Variants in NALF1 observed in about 807,000 individuals in gnomAD.
The protein encoded by NALF1 is family with sequence similarity 155 member A.
NALF1 carries 3 observed loss-of-function variants against 48.4 expected under a neutral mutation model. The observed-to-expected ratio is 0.06, with a 90% CI of 0.03 to 0.16. The LOEUF (loss-of-function observed/expected upper bound fraction) is 0.16. Ranked by LOEUF, NALF1 falls within the 10% of genes least tolerant of loss-of-function variation. The pLI, the probability that NALF1 is intolerant of heterozygous loss-of-function variation, is 1.00. For missense variants in NALF1, 526 were observed against 571.5 expected, an observed-to-expected ratio of 0.92 and a Z score of 0.81; for synonymous variants, 262 against 245.7, an observed-to-expected ratio of 1.07 and a Z score of -0.62.
intron 1 of NALF1, among the ~76,000 whole-genome samples, chr13:107,758,075 A>G (rs1877164690): frequency 1.3e-5 from 2 of 152,202 alleles, no homozygotes; most frequent in Admixed American, 6.5e-5. Context: ...TTCAAAAGTG[A>G]CAAGAGAAAA....
At chr13:107,838,828 T>G in intron 1 of NALF1, among the ~76,000 whole-genome samples, 1 of 152,198 alleles carries the variant, frequency 6.6e-6, no homozygotes, top group East Asian at 1.9e-4. Context: ...TCTGCAGAGT[T>G]CGGGGATGTT....
intron 1 of NALF1, among the ~76,000 whole-genome samples, chr13:107,864,163 G>A (rs1007595395): frequency 6.6e-6 from 1 of 152,006 alleles, no homozygotes; most frequent in Non-Finnish European, 1.5e-5. Flanking sequence ...TTATTCCCAG[G>A]CATAAGTTAA....
At chr13:107,235,589 G>A (rs765540911) in intron 1 of NALF1, among the ~76,000 whole-genome samples, 1 of 152,170 alleles carries the variant, frequency 6.6e-6, no homozygotes, top group Non-Finnish European at 1.5e-5. Context: ...ATAGTTTACT[G>A]TGTTGTTTAA....
chr13:107,303,202 T>A (rs753294817), intron 1 of NALF1, among the ~76,000 whole-genome samples: 1 of 152,184 alleles, frequency 6.6e-6, no homozygotes, highest in Non-Finnish European at 1.5e-5. Context: ...TGGAGAAATG[T>A]CTACGTAAGT....
intron 1 of NALF1, among the ~76,000 whole-genome samples, chr13:107,224,235 A>T (rs1256759198): frequency 6.6e-6 from 1 of 151,914 alleles, no homozygotes; most frequent in Non-Finnish European, 1.5e-5. Context: ...CTGGCAAAAA[A>T]TGTAGAATAA....
At chr13:107,234,505 C>T (rs1188068774) in intron 1 of NALF1, among the ~76,000 whole-genome samples, 1 of 152,092 alleles carries the variant, frequency 6.6e-6, no homozygotes, top group Non-Finnish European at 1.5e-5. Flanking sequence ...GACAGCCAGC[C>T]CCGGCAGGGC....
intron 1 of NALF1, among the ~76,000 whole-genome samples, chr13:107,250,916 T>G (rs1002862660): frequency 6.6e-6 from 1 of 152,166 alleles, no homozygotes; most frequent in Non-Finnish European, 1.5e-5. Flanking sequence ...CCATGTAGTA[T>G]GTACCTGCTT....
At chr13:107,774,272 T>G (rs1877662139) in intron 1 of NALF1, among the ~76,000 whole-genome samples, 2 of 152,222 alleles carry the variant, frequency 1.3e-5, no homozygotes, top group Non-Finnish European at 1.5e-5. Flanking sequence ...CACATTTTTC[T>G]CAATGGTTTA....
chr13:107,811,558 C>T (rs1012660991), intron 1 of NALF1, among the ~76,000 whole-genome samples: 1 of 152,122 alleles, frequency 6.6e-6, no homozygotes, highest in Non-Finnish European at 1.5e-5. Context: ...TTTATGGCCC[C>T]CTAAAGTATG....
chr13:107,347,018 T>C (rs1048391493), intron 1 of NALF1, among the ~76,000 whole-genome samples: 1 of 152,234 alleles, frequency 6.6e-6, no homozygotes, highest in Non-Finnish European at 1.5e-5. Flanking sequence ...TTTTCTTATT[T>C]CTTTTTTAAA....
chr13:107,676,598 T>A (rs1350619469), intron 1 of NALF1, among the ~76,000 whole-genome samples: 21 of 106,932 alleles, frequency 2.0e-4, no homozygotes, highest in Admixed American at 3.4e-4. Context: ...ATTAAATTAA[T>A]TTAATTTAAT....
chr13:107,771,520 T>G (rs930903815), intron 1 of NALF1, among the ~76,000 whole-genome samples: 1 of 149,318 alleles, frequency 6.7e-6, no homozygotes, highest in Non-Finnish European at 1.5e-5. Flanking sequence ...TGTAATATAG[T>G]ATAATATATA....
chr13:107,307,686 G>T (rs1881964470), intron 1 of NALF1, among the ~76,000 whole-genome samples: 1 of 148,420 alleles, frequency 6.7e-6, no homozygotes, highest in Non-Finnish European at 1.5e-5. Flanking sequence ...CATTGAAATG[G>T]ATAACAGAAA....
intron 1 of NALF1, among the ~76,000 whole-genome samples, chr13:107,284,390 A>G (rs908940832): frequency 6.6e-6 from 1 of 152,218 alleles, no homozygotes; most frequent in Non-Finnish European, 1.5e-5. Flanking sequence ...GAAACCATCC[A>G]TGAGGAAGAA....
At chr13:107,188,605 T>C (rs1181492959) in intron 2 of NALF1, among the ~76,000 whole-genome samples, 1 of 152,216 alleles carries the variant, frequency 6.6e-6, no homozygotes, top group Non-Finnish European at 1.5e-5. Flanking sequence ...GTATCAGATC[T>C]GTAATGATGA....
At chr13:107,783,268 G>T (rs1481530905) in intron 1 of NALF1, among the ~76,000 whole-genome samples, 1 of 143,658 alleles carries the variant, frequency 7.0e-6, no homozygotes, top group African/African-American at 2.6e-5. Context: ...CCGGCCAGTC[G>T]CCCCGTCCGG....
intron 1 of NALF1, among the ~76,000 whole-genome samples, chr13:107,276,287 T>G (rs994895041): frequency 6.6e-6 from 1 of 152,168 alleles, no homozygotes; most frequent in Non-Finnish European, 1.5e-5. Context: ...ATGTCCAGAA[T>G]AGCTACTAAA....
chr13:107,488,992 A>G (rs1230110494), intron 1 of NALF1, among the ~76,000 whole-genome samples: 1 of 152,214 alleles, frequency 6.6e-6, no homozygotes, highest in Non-Finnish European at 1.5e-5. Context: ...TCAAGCTGAC[A>G]GTCAAATCAT....
At chr13:107,677,979 G>C (rs9301251) in intron 1 of NALF1, among the ~76,000 whole-genome samples, 6,393 of 152,112 alleles carry the variant, frequency 0.042, 321 homozygotes, top group East Asian at 0.23. Context: ...TTCTGCCATG[G>C]TATATTTTGA....
Sources: gnomAD v4.1 joint callset for allele counts (sites outside exome capture counted in the v4.1 genomes callset) on GRCh38, gnomAD v4.1.1 for gene constraint, MANE v1.5 for transcripts, NCBI Gene and HGNC (gene_info 2026-07-23, HGNC 2026-07-21) for gene names.